Variants in FBN2 observed in about 807,000 individuals in gnomAD.
FBN2 encodes the protein fibrillin-2.
Under a neutral mutation model 355.6 loss-of-function variants are expected in FBN2, and 105 were observed. The ratio of observed to expected loss-of-function variants is 0.30; its 90% CI spans 0.25 to 0.35. FBN2 has a LOEUF of 0.35. Among genes scored for constraint, FBN2 ranks in the 10% least tolerant of loss-of-function variants. FBN2 has a pLI of 1.00. For missense variants in FBN2, 3,280 were observed against 3,758.7 expected (o/e 0.87, Z 3.33); for synonymous variants, 1,350 against 1,301.2 (o/e 1.04, Z -0.81).
intron 5 of FBN2, among the ~76,000 whole-genome samples, chr5:128,490,049 G>T (rs907328582): frequency 6.6e-6 from 1 of 152,050 alleles, no homozygotes; most frequent in Admixed American, 6.6e-5. Flanking sequence ...TAACATAGTA[G>T]GTGCTCATTA....
chr5:128,438,809 A>C (rs544882067), intron 7 of FBN2, among the ~76,000 whole-genome samples: 1 of 152,300 alleles, frequency 6.6e-6, no homozygotes, highest in South Asian at 2.1e-4. Context: ...TTGAATAAGT[A>C]ATACATTTAC....
intron 5 of FBN2, among the ~76,000 whole-genome samples, chr5:128,505,763 AATTT>A: frequency 6.6e-6 from 1 of 152,342 alleles, no homozygotes; most frequent in Admixed American, 6.5e-5. Context: ...CAGCCTAAAT[AATTT>A]AAGGTTCATC....
At chr5:128,312,081 G>A in intron 37 of FBN2, 128 bp from the exon 38 acceptor site, 1 of 683,474 alleles carries the variant, frequency 1.5e-6, no homozygotes, top group South Asian at 1.6e-5. Flanking sequence ...TTTTCTTAGT[G>A]CCCTTTCAAA....
intron 11 of FBN2, among the ~76,000 whole-genome samples, chr5:128,389,338 C>T (rs775313355): frequency 6.6e-6 from 1 of 152,186 alleles, no homozygotes; most frequent in African/African-American, 2.4e-5. Context: ...GGCAGAGGCC[C>T]ATCTGCTGAA....
chr5:128,283,482 C>T (rs938198950), intron 55 of FBN2, among the ~76,000 whole-genome samples: 1 of 152,236 alleles, frequency 6.6e-6, no homozygotes, highest in African/African-American at 2.4e-5. Flanking sequence ...CAGGACATCA[C>T]ACGGACATGG....
intron 55 of FBN2, among the ~76,000 whole-genome samples, chr5:128,282,003 G>A (rs1448017482): frequency 1.3e-5 from 2 of 152,084 alleles, no homozygotes; most frequent in Non-Finnish European, 2.9e-5. Context: ...AATTATTTAA[G>A]AGGGCTATAA....
chr5:128,407,869 G>A (rs1441579551), intron 8 of FBN2, among the ~76,000 whole-genome samples: 1 of 152,132 alleles, frequency 6.6e-6, no homozygotes, highest in Non-Finnish European at 1.5e-5. Flanking sequence ...TAACTGCCTG[G>A]TTTGGGGAGA....
intron 62 of FBN2, among the ~76,000 whole-genome samples, chr5:128,265,589 T>A (rs1468823484): frequency 6.6e-6 from 1 of 152,214 alleles, no homozygotes; most frequent in African/African-American, 2.4e-5. Context: ...AAAGTCTTCA[T>A]ATATGAAGAC....
chr5:128,288,554 G>A lies in FBN2; in HGVS notation c.6641C>T (p.Thr2214Ile). Residue 2214 changes from threonine (T) to isoleucine (I), a missense_variant, in exon 53 of 65, where the codon ACT becomes ATT. Thr to Ile is a moderately conservative substitution (Grantham distance 89). Coordinates refer to ENST00000262464, the MANE Select transcript of FBN2 (RefSeq NM_001999.4). Reference protein sequence around the residue: ...LDYTGVRCVDTDECSIGNPCG... With the variant: ...LDYTGVRCVDIDECSIGNPCG... ...CGGATTGCCGATTGAACACTCATCA[G>A]TATCTGAAAAAGAAGAATAAGAAAC... 1 of 1,613,500 alleles carries A rather than the reference G, an allele frequency of 6.2e-7. No homozygotes were observed. Among genetic ancestry groups the A allele is most frequent in the Non-Finnish European group, 8.5e-7 (1 of 1,179,892 alleles).
chr5:128,301,398 A>G lies in FBN2; in HGVS notation c.6030T>C (p.Asp2010=). The G allele has an allele frequency of 2.5e-6, 4 of 1,613,412 alleles. No individual in the cohort carries two copies. The highest frequency in any genetic ancestry group is 1.3e-5 in the African/African-American group (1 of 75,034). ...LCNEGYELTP[D]GKNCIDTNEC... is the part of the protein sequence containing the mutation. ...AATACTTACCTATACAGTTTTTGCC[A>G]TCTGGGGTAAGTTCATAACCTTCGT... is the stretch of plus-strand genomic sequence containing the variant. The change falls in exon 47 of 65, where the codon GAT becomes GAC. Residue 2010 remains aspartate, a synonymous_variant. Transcript: ENST00000262464.
chr5:128,477,387 T>C (rs924201190), intron 5 of FBN2, among the ~76,000 whole-genome samples: 1 of 152,158 alleles, frequency 6.6e-6, no homozygotes, highest in African/African-American at 2.4e-5. Flanking sequence ...TGTTTGAAAC[T>C]GGGTAGATTC....
intron 7 of FBN2, among the ~76,000 whole-genome samples, chr5:128,438,198 G>T (rs1463488805): frequency 6.6e-6 from 1 of 152,190 alleles, no homozygotes; most frequent in Non-Finnish European, 1.5e-5. Flanking sequence ...CACCATGTTG[G>T]CCAGGCTGGT....
chr5:128,372,904 G>T (rs1751980381), intron 15 of FBN2, among the ~76,000 whole-genome samples: 1 of 152,154 alleles, frequency 6.6e-6, no homozygotes, highest in Non-Finnish European at 1.5e-5. Flanking sequence ...TGGGATTACA[G>T]GCATGAGCCA....
chr5:128,509,189 C>T (rs1016063515), intron 5 of FBN2, among the ~76,000 whole-genome samples: 3 of 151,942 alleles, frequency 2.0e-5, no homozygotes, highest in African/African-American at 7.2e-5. Context: ...ATTTTTTCTG[C>T]CATCTATTAT....
chr5:128,368,922 G>A (rs1027674288), intron 16 of FBN2, among the ~76,000 whole-genome samples: 1 of 151,818 alleles, frequency 6.6e-6, no homozygotes, highest in Admixed American at 6.6e-5. Flanking sequence ...CAAAGTGCTG[G>A]GATTACAGGT....
At chr5:128,427,823 CT>C (rs2127025748) in intron 7 of FBN2, among the ~76,000 whole-genome samples, 1 of 152,280 alleles carries the variant, frequency 6.6e-6, no homozygotes, top group Non-Finnish European at 1.5e-5. Flanking sequence ...GCTGGGCACC[CT>C]GCAATAAATG....
intron 5 of FBN2, among the ~76,000 whole-genome samples, chr5:128,477,581 C>A (rs771299809): frequency 1.3e-5 from 2 of 152,078 alleles, no homozygotes; most frequent in Non-Finnish European, 2.9e-5. Flanking sequence ...TACTTTATAG[C>A]CATCATTTTA....
intron 9 of FBN2, among the ~76,000 whole-genome samples, chr5:128,393,933 T>C (rs145016899): frequency 6.4e-4 from 97 of 152,314 alleles, no homozygotes; most frequent in African/African-American, 2.2e-3. Context: ...AGCAAGAAGA[T>C]AGCAATTGCC....
chr5:128,330,755 A>T, intron 32 of FBN2, 60 bp from the exon 33 acceptor site: 2 of 1,583,068 alleles, frequency 1.3e-6, no homozygotes, highest in Non-Finnish European at 1.7e-6. Flanking sequence ...ACCTGGAAAG[A>T]TTATCGTTTG....
Sources: allele counts gnomAD v4.1 joint callset (sites outside exome capture counted in the v4.1 genomes callset), GRCh38; gene constraint gnomAD v4.1.1; transcripts MANE v1.5; gene names NCBI Gene and HGNC (gene_info 2026-07-23, HGNC 2026-07-21).